Variants in HPSE2 observed in about 807,000 individuals in gnomAD.
HPSE2 encodes inactive heparanase-2.
A neutral mutation model predicts 60.5 loss-of-function variants in HPSE2; 38 were observed. That is an observed-to-expected ratio of 0.63 (90% CI 0.48 to 0.82). The LOEUF is 0.82. HPSE2 is among the 40% of genes least tolerant of loss of function. HPSE2 has a pLI of 0.00. For missense variants in HPSE2, 713 were observed against 740.4 expected, an observed-to-expected ratio of 0.96 and a Z score of 0.43; for synonymous variants, 295 against 293.2, an observed-to-expected ratio of 1.01 and a Z score of -0.06.
At chr10:98,541,935 A>G (rs1409953285) in intron 9 of HPSE2, among the ~76,000 whole-genome samples, 1 of 151,648 alleles carries the variant, frequency 6.6e-6, no homozygotes, top group Non-Finnish European at 1.5e-5. Flanking sequence ...GCAGACTTAA[A>G]TGTCCCTGTC....
intron 3 of HPSE2, among the ~76,000 whole-genome samples, chr10:98,809,806 A>G (rs1161777783): frequency 6.6e-6 from 1 of 152,164 alleles, no homozygotes; most frequent in Non-Finnish European, 1.5e-5. Context: ...TGAAGGCAAA[A>G]TAAGTTTATT....
intron 4 of HPSE2, among the ~76,000 whole-genome samples, chr10:98,733,864 T>C (rs1204014730): frequency 1.3e-5 from 2 of 152,208 alleles, no homozygotes; most frequent in Non-Finnish European, 2.9e-5. Flanking sequence ...TTCATTGAGA[T>C]ATAAAACACA....
intron 3 of HPSE2, among the ~76,000 whole-genome samples, chr10:98,940,389 G>C (rs1280868101): frequency 7.0e-6 from 1 of 143,160 alleles, no homozygotes; most frequent in Admixed American, 6.9e-5. Flanking sequence ...AATAAAAAAT[G>C]ATAAAGGGGA....
rs368863388 is a variant in HPSE2, at chr10:98,873,809, G to A, written c.611-129753C>T. Among the ~76,000 whole-genome samples the A allele has an allele frequency of 2.0e-5, 3 of 152,012 alleles. No individual in the cohort carries two copies. In the East Asian group the frequency reaches 5.8e-4, roughly 29 times the overall value. On this transcript the variant is annotated intron_variant, in intron 3 of 11. Transcript: ENST00000370552. ...CACCATACTGTCTTCCTCAATGGTT[G>A]AGCTAATTTACATTCCCACCAACAG...
chr10:98,833,961 TTAAGG>T (rs1295169857), intron 3 of HPSE2, among the ~76,000 whole-genome samples: 3 of 152,104 alleles, frequency 2.0e-5, no homozygotes, highest in Non-Finnish European at 2.9e-5. Context: ...CTCAGTTGCG[TTAAGG>T]TATTTTACCA....
chr10:99,310,185 T>G, the HPSE2 span, among the ~76,000 whole-genome samples: 737 of 152,340 alleles, frequency 4.8e-3, 4 homozygotes, highest in South Asian at 0.028. Context: ...AAATCCAGGA[T>G]TATGTCCTCA....
intron 3 of HPSE2, among the ~76,000 whole-genome samples, chr10:98,753,225 CTA>C (rs150346501): frequency 0.013 from 2,022 of 152,124 alleles, 55 homozygotes; most frequent in African/African-American, 0.046. Context: ...AAAATGATAA[CTA>C]TGTGAGAAAA....
the HPSE2 span, among the ~76,000 whole-genome samples, chr10:99,242,431 G>T: frequency 3.3e-3 from 502 of 152,306 alleles, 1 homozygote; most frequent in African/African-American, 0.011. Flanking sequence ...ATTTGGGGAA[G>T]ATCATAACCA....
intron 2 of HPSE2, among the ~76,000 whole-genome samples, chr10:99,145,478 A>G (rs1846020582): frequency 6.6e-6 from 1 of 151,958 alleles, no homozygotes; most frequent in Admixed American, 6.6e-5. Flanking sequence ...AAAGAAGAAG[A>G]AGAATGCTTC....
chr10:99,155,300 AT>A (rs1326583560), intron 2 of HPSE2, among the ~76,000 whole-genome samples: 3 of 133,196 alleles, frequency 2.3e-5, no homozygotes, highest in South Asian at 2.8e-4. Context: ...CAGAATATAC[AT>A]TTTTTTCAGC....
At chr10:98,720,975 T>C (rs1204326170) in intron 5 of HPSE2, among the ~76,000 whole-genome samples, 3 of 152,192 alleles carry the variant, frequency 2.0e-5, no homozygotes, top group Admixed American at 6.6e-5. Context: ...ATTTTTGTTA[T>C]TGTTAGTTCA....
chr10:98,728,139 C>T (rs1458021553), intron 4 of HPSE2, among the ~76,000 whole-genome samples: 2 of 152,114 alleles, frequency 1.3e-5, no homozygotes, highest in Admixed American at 6.5e-5. Context: ...AAGGTAATTA[C>T]ATGAATAACT....
At chr10:98,943,815 A>C (rs1421483446) in intron 3 of HPSE2, among the ~76,000 whole-genome samples, 1 of 152,120 alleles carries the variant, frequency 6.6e-6, no homozygotes, top group Non-Finnish European at 1.5e-5. Context: ...ATCCTCCCCA[A>C]ATTGAGCCTT....
In HPSE2 at chr10:98,490,213, G is replaced by A. The variant is rs1319775390; in HGVS notation, c.1321-17C>T. The stretch of plus-strand genomic sequence containing the variant: ...CCAGTAGTCCTGAGGAGAATAGAGA[G>A]GGAGAGGGTCAGCGAGAGAACACAT... On this transcript the variant is annotated splice_polypyrimidine_tract_variant and intron_variant, in intron 9 of 11. Transcript: ENST00000370552. 2.5e-6 allele frequency: 4 copies of A among 1,613,670 alleles called. No individual in the cohort carries two copies. The highest frequency in any genetic ancestry group is 3.3e-4 in the Middle Eastern group (2 of 6,046).
intron 6 of HPSE2, among the ~76,000 whole-genome samples, chr10:98,650,896 G>C (rs1946896320): frequency 6.6e-6 from 1 of 152,102 alleles, no homozygotes; most frequent in Admixed American, 6.5e-5. Context: ...TCTCACTGAG[G>C]ATATGAAATC....
intron 3 of HPSE2, among the ~76,000 whole-genome samples, chr10:98,772,544 A>G (rs569444200): frequency 6.6e-6 from 1 of 152,300 alleles, no homozygotes; most frequent in African/African-American, 2.4e-5. Flanking sequence ...AAAGGAGAAA[A>G]CAAATACATT....
rs1194460155 is a variant in HPSE2, at chr10:98,737,390, A to G, written c.784+6493T>C. ...AAGGAAGGTGATTTCTGCATTTCCA[A>G]CTGAGGTACCCACTTCATCTCATTG... On this transcript the variant is annotated intron_variant, in intron 4 of 11. Coordinates refer to ENST00000370552, the MANE Select transcript of HPSE2 (RefSeq NM_021828.5). 5.8e-5 allele frequency among the ~76,000 whole-genome samples: 8 copies of G among 138,784 alleles called. 2 individuals carry two copies. The highest frequency in any genetic ancestry group is 2.3e-4 in the South Asian group (1 of 4,322). The allele number at this position is 138,784 out of a possible 152,430, so 91.0% of individuals were successfully genotyped here. A position where few individuals can be genotyped will look rare whatever the true frequency, so the allele number is the denominator to read the frequency against.
chr10:99,295,534 G>C, the HPSE2 span, among the ~76,000 whole-genome samples: 3 of 152,238 alleles, frequency 2.0e-5, no homozygotes, highest in Admixed American at 1.3e-4. Flanking sequence ...CTGAATTAAA[G>C]ATGTTTTTTT....
At chr10:98,668,202 A>C (rs941851456) in intron 6 of HPSE2, among the ~76,000 whole-genome samples, 4 of 152,150 alleles carry the variant, frequency 2.6e-5, no homozygotes, top group African/African-American at 9.7e-5. Flanking sequence ...GAATATATCT[A>C]ACCAAGGAGG....
Sources: gnomAD v4.1 joint callset for allele counts (sites outside exome capture counted in the v4.1 genomes callset) on GRCh38, gnomAD v4.1.1 for gene constraint, MANE v1.5 for transcripts, NCBI Gene and HGNC (gene_info 2026-07-23, HGNC 2026-07-21) for gene names.